The following SPSB1 variants were observed in gnomAD, a reference collection of about 807,000 sequenced individuals.
SPSB1 encodes the protein SPRY domain-containing SOCS box protein 1.
In SPSB1, 8 loss-of-function variants were observed where a neutral mutation model predicts 21.2. That is an observed-to-expected ratio of 0.38 (90% CI 0.22 to 0.68). The LOEUF (loss-of-function observed/expected upper bound fraction) is 0.68. SPSB1 is among the 30% of genes least tolerant of loss of function. The pLI is 0.53. For synonymous variants in SPSB1, 169 were observed against 161.7 expected (o/e 1.05, Z -0.34); for missense variants, 242 against 377.8 (o/e 0.64, Z 2.98).
intron 1 of SPSB1, among the ~76,000 whole-genome samples, chr1:9,315,264 A>G (rs1639592637): frequency 6.6e-6 from 1 of 152,200 alleles, no homozygotes; most frequent in Non-Finnish European, 1.5e-5. Flanking sequence ...TTCCACTGCG[A>G]CAAAAGACCC....
chr1:9,322,011 C>T lies in SPSB1; in HGVS notation c.-150+28940C>T, dbSNP rs995386750. Among the ~76,000 whole-genome samples the T allele has an allele frequency of 2.0e-5, 3 of 152,284 alleles. No homozygotes were observed. The South Asian group carries it at 6.2e-4, about 32-fold the overall frequency. Reference sequence around the variant, plus strand: ...TTTTATAGATGGGCCCAACCATCCCCAGGTGATGTGTACCTGGGAATCACA... The same window carrying T: ...TTTTATAGATGGGCCCAACCATCCCTAGGTGATGTGTACCTGGGAATCACA... On this transcript the variant is annotated intron_variant, in intron 1 of 2. Coordinates refer to ENST00000328089, the MANE Select transcript of SPSB1 (RefSeq NM_025106.4).
chr1:9,351,185 C>T (rs528290814), intron 1 of SPSB1, among the ~76,000 whole-genome samples: 65 of 152,262 alleles, frequency 4.3e-4, no homozygotes, highest in African/African-American at 1.5e-3. Flanking sequence ...ACATATTGTC[C>T]GGAGAGCCTT....
chr1:9,328,191 CA>C (rs1317601203), intron 1 of SPSB1, among the ~76,000 whole-genome samples: 1 of 152,198 alleles, frequency 6.6e-6, no homozygotes, highest in Non-Finnish European at 1.5e-5. Context: ...GGATTCAGTA[CA>C]GGGGCTGAGG....
rs778280838 is a variant in SPSB1, at chr1:9,305,220, C to T, written c.-150+12149C>T. Among the ~76,000 whole-genome samples the T allele has an allele frequency of 2.0e-5, 3 of 152,202 alleles. No individual in the cohort carries two copies. Among genetic ancestry groups the T allele is most frequent in the Non-Finnish European group, 2.9e-5 (2 of 68,038 alleles). On this transcript the variant is annotated intron_variant, in intron 1 of 2. Coordinates refer to ENST00000328089, the MANE Select transcript of SPSB1 (RefSeq NM_025106.4). The surrounding 1 kb of genome is among the most constrained non-coding windows in gnomAD (Gnocchi z 4.8). ...CTGCCTGGTCCCGCCTCGGCTGGCC[C>T]GTTCCTACCGGCTGGCCCATACCCT...
At chr1:9,316,659 G>T (rs1411392613) in intron 1 of SPSB1, among the ~76,000 whole-genome samples, 1 of 152,220 alleles carries the variant, frequency 6.6e-6, no homozygotes, top group African/African-American at 2.4e-5. Context: ...TGGGGCACAG[G>T]CGCAGGTGGT....
intron 1 of SPSB1, chr1:9,339,371 C>T (rs1640054568): frequency 6.6e-6 from 6 of 907,832 alleles, no homozygotes; most frequent in Non-Finnish European, 7.9e-6. Context: ...GACTCACCGC[C>T]AGGCCAGGTT....
chr1:9,327,573 C>G (rs1441236128), intron 1 of SPSB1, among the ~76,000 whole-genome samples: 1 of 151,812 alleles, frequency 6.6e-6, no homozygotes, highest in Admixed American at 6.6e-5. Flanking sequence ...CTTGTCTGTG[C>G]TTGGGGAGCA....
At chr1:9,331,321 G>GTTT (rs34199175) in intron 1 of SPSB1, among the ~76,000 whole-genome samples, 1,322 of 53,698 alleles carry the variant, frequency 0.025, 346 homozygotes, top group African/African-American at 0.06. Context: ...TGGTGCTCTT[G>GTTT]TTTTTTTTTT....
At position 9,293,041 on chromosome 1, in the gene SPSB1, GAGC is replaced by G; in HGVS notation, c.-176_-174del. The G allele has an allele frequency of 1.0e-6, 1 of 981,164 alleles. No individual in the cohort carries two copies. The highest frequency in any genetic ancestry group is 1.2e-6 in the Non-Finnish European group (1 of 827,296). The allele number at this position is 981,164 out of a possible 1,614,324, so 60.8% of individuals were successfully genotyped here. A position where few individuals can be genotyped will look rare whatever the true frequency, so the allele number is the denominator to read the frequency against. ...GCGCCCGAGCCTCCTCGGCCTTGGA[GAGC>G]AGCGGCGGCGGCGGCACCCCGGGCG... is the stretch of plus-strand genomic sequence containing the variant. On this transcript the variant is annotated 5_prime_UTR_variant, in exon 1 of 3. Transcript: ENST00000328089. This position sits in a 1 kb window ranked among gnomAD's most constrained non-coding sequence, Gnocchi z 5.1.
chr1:9,312,283 T>G (rs1231370885), intron 1 of SPSB1, among the ~76,000 whole-genome samples: 1 of 152,108 alleles, frequency 6.6e-6, no homozygotes, highest in Non-Finnish European at 1.5e-5. Context: ...CAACTTGGCC[T>G]CCCAAAGCTC....
intron 1 of SPSB1, among the ~76,000 whole-genome samples, chr1:9,309,623 A>C (rs1639484154): frequency 6.6e-6 from 1 of 152,152 alleles, no homozygotes; most frequent in African/African-American, 2.4e-5. Context: ...CGGGTGGATC[A>C]CCCGAGGTCA....
intron 1 of SPSB1, among the ~76,000 whole-genome samples, chr1:9,333,907 G>C (rs111544321): frequency 2.0e-5 from 3 of 152,232 alleles, no homozygotes; most frequent in Non-Finnish European, 4.4e-5. Context: ...AGGCAGGTGG[G>C]GCCTGGCCAG....
intron 2 of SPSB1, among the ~76,000 whole-genome samples, chr1:9,357,213 GTGAA>G (rs200739926): frequency 2.3e-4 from 31 of 137,486 alleles, no homozygotes; most frequent in South Asian, 1.1e-3. Context: ...GGATGGATCA[GTGAA>G]TGAATGGATG....
At position 9,295,231 on chromosome 1, in the gene SPSB1, T is replaced by A. The variant is rs1385761030; in HGVS notation, c.-150+2160T>A. On this transcript the variant is annotated intron_variant, in intron 1 of 2. Coordinates refer to ENST00000328089, the MANE Select transcript of SPSB1 (RefSeq NM_025106.4). Reference sequence around the variant, plus strand: ...GTGAGAGTGTGAGTGTGTGTGTGTGTGTGTGTGTGTGCGCGCGTGCGGTTG... The same window carrying A: ...GTGAGAGTGTGAGTGTGTGTGTGTGAGTGTGTGTGTGCGCGCGTGCGGTTG... Among the ~76,000 whole-genome samples the A allele has an allele frequency of 2.0e-5, 3 of 151,046 alleles. 1 individual carries two copies. The highest frequency in any genetic ancestry group is 1.9e-4 in the East Asian group (1 of 5,172).
intron 1 of SPSB1, among the ~76,000 whole-genome samples, chr1:9,340,826 C>T (rs763855373): frequency 2.6e-5 from 4 of 152,234 alleles, no homozygotes; most frequent in African/African-American, 4.8e-5. Context: ...TGTCTGATGT[C>T]GCGGAGCAGC....
intron 1 of SPSB1, among the ~76,000 whole-genome samples, chr1:9,323,436 G>T (rs1557452585): frequency 6.6e-6 from 1 of 152,316 alleles, no homozygotes; most frequent in East Asian, 1.9e-4. Flanking sequence ...GATCTCAGGG[G>T]ATGTCAGAGG....
At chr1:9,301,598 T>C (rs1639330827) in intron 1 of SPSB1, among the ~76,000 whole-genome samples, 1 of 152,290 alleles carries the variant, frequency 6.6e-6, no homozygotes, top group Non-Finnish European at 1.5e-5. Context: ...ACATGAGGTA[T>C]GTGGGTAGGA....
At chr1:9,310,916 A>G (rs1246990731) in intron 1 of SPSB1, among the ~76,000 whole-genome samples, 1 of 152,224 alleles carries the variant, frequency 6.6e-6, no homozygotes, top group South Asian at 2.1e-4. Flanking sequence ...ATTCCGTAAT[A>G]TATAAATTAT....
intron 1 of SPSB1, among the ~76,000 whole-genome samples, chr1:9,337,820 G>A (rs769771908): frequency 2.0e-5 from 3 of 152,220 alleles, no homozygotes; most frequent in Non-Finnish European, 4.4e-5. Context: ...CTCCTGGGAC[G>A]CCCCATGAAG....
Sources: allele counts gnomAD v4.1 joint callset (sites outside exome capture counted in the v4.1 genomes callset), GRCh38; gene constraint gnomAD v4.1.1; non-coding constraint Gnocchi (gnomAD v3.1); transcripts MANE v1.5; gene names NCBI Gene and HGNC (gene_info 2026-07-23, HGNC 2026-07-21).